Variants in FOXJ3 observed in about 807,000 individuals in gnomAD.
The protein encoded by FOXJ3 is forkhead box protein J3.
FOXJ3 carries 22 observed loss-of-function variants against 76.1 expected under a neutral mutation model. That is an observed-to-expected ratio of 0.29 (90% CI 0.21 to 0.41). The LOEUF (loss-of-function observed/expected upper bound fraction) is 0.41. Ranked by LOEUF, FOXJ3 falls within the 10% of genes least tolerant of loss-of-function variation. The pLI is 1.00. For synonymous variants in FOXJ3, 269 were observed against 261.2 expected (o/e 1.03, Z -0.29); for missense variants, 613 against 762.1 (o/e 0.80, Z 2.30).
At chr1:42,314,665 G>C (rs577768985) in intron 1 of FOXJ3, among the ~76,000 whole-genome samples, 3 of 152,312 alleles carry the variant, frequency 2.0e-5, no homozygotes, top group Admixed American at 6.5e-5. Flanking sequence ...TGACAGATGG[G>C]CATGAGGGGC....
chr1:42,300,448 T>G (rs1201357909), intron 2 of FOXJ3, among the ~76,000 whole-genome samples: 2 of 152,150 alleles, frequency 1.3e-5, no homozygotes, highest in Admixed American at 6.5e-5. Context: ...TTCTCCTTCA[T>G]GTACAAAGCT....
chr1:42,321,037 A>G (rs1655401151), intron 1 of FOXJ3, among the ~76,000 whole-genome samples: 1 of 152,210 alleles, frequency 6.6e-6, no homozygotes, highest in South Asian at 2.1e-4. Flanking sequence ...CTGAAAAGAT[A>G]GGAAGCTATA....
At chr1:42,303,322 G>A (rs1209570322) in intron 2 of FOXJ3, among the ~76,000 whole-genome samples, 3 of 152,100 alleles carry the variant, frequency 2.0e-5, no homozygotes, top group African/African-American at 7.2e-5. Context: ...GAATTGTTGG[G>A]GGAACTTAAT....
intron 1 of FOXJ3, among the ~76,000 whole-genome samples, chr1:42,314,791 C>T (rs1432371730): frequency 3.3e-5 from 5 of 152,184 alleles, no homozygotes; most frequent in African/African-American, 9.7e-5. Flanking sequence ...TACCATAAAA[C>T]CCAGCAATTA....
chr1:42,276,262 G>A (rs190073481), intron 3 of FOXJ3, among the ~76,000 whole-genome samples: 103 of 152,020 alleles, frequency 6.8e-4, no homozygotes, highest in Non-Finnish European at 1.3e-3. Context: ...AGGCTGAGGC[G>A]GGAGAATTGC....
intron 4 of FOXJ3, among the ~76,000 whole-genome samples, chr1:42,240,649 G>C (rs1366473226): frequency 6.6e-6 from 1 of 152,106 alleles, no homozygotes; most frequent in Admixed American, 6.5e-5. Context: ...CCAGGAAAAT[G>C]GTCCACATGC....
intron 1 of FOXJ3, among the ~76,000 whole-genome samples, chr1:42,316,349 T>TTTTTTTTTTC (rs1553169820): frequency 2.2e-5 from 3 of 135,090 alleles, no homozygotes; most frequent in Non-Finnish European, 4.9e-5. Flanking sequence ...TTTTTTTTTT[T>TTTTTTTTTTC]CTGTAGAAAC....
At chr1:42,185,917 C>T (rs1461293288) in intron 11 of FOXJ3, among the ~76,000 whole-genome samples, 1 of 152,048 alleles carries the variant, frequency 6.6e-6, no homozygotes, top group African/African-American at 2.4e-5. Context: ...ACAGGAATGA[C>T]AGGAAAGGTT....
At chr1:42,207,240 T>G (rs547107401) in intron 5 of FOXJ3, among the ~76,000 whole-genome samples, 2 of 152,346 alleles carry the variant, frequency 1.3e-5, no homozygotes, top group South Asian at 2.1e-4. Flanking sequence ...TCTATCTTCA[T>G]GTAATCCACT....
At chr1:42,333,571 C>T (rs1360703856) in intron 1 of FOXJ3, among the ~76,000 whole-genome samples, 3 of 152,032 alleles carry the variant, frequency 2.0e-5, no homozygotes, top group Non-Finnish European at 2.9e-5. Flanking sequence ...TAATATATAC[C>T]ACTCAGAAAA....
At chr1:42,275,887 T>G (rs567702768) in intron 3 of FOXJ3, among the ~76,000 whole-genome samples, 2 of 152,006 alleles carry the variant, frequency 1.3e-5, no homozygotes, top group South Asian at 2.1e-4. Flanking sequence ...GTGGCCAAAG[T>G]TGCACAATTT....
At chr1:42,307,052 G>A (rs925599397) in intron 2 of FOXJ3, among the ~76,000 whole-genome samples, 2 of 152,140 alleles carry the variant, frequency 1.3e-5, no homozygotes, top group African/African-American at 4.8e-5. Flanking sequence ...CCCAAGAAGA[G>A]GCACTAAAGA....
intron 1 of FOXJ3, among the ~76,000 whole-genome samples, chr1:42,313,861 T>C (rs906566591): frequency 6.6e-5 from 10 of 152,204 alleles, no homozygotes; most frequent in South Asian, 4.1e-4. Flanking sequence ...GTGATTTACC[T>C]AGTCTTGTAT....
At chr1:42,332,532 C>G (rs568912882) in intron 1 of FOXJ3, among the ~76,000 whole-genome samples, 30 of 152,274 alleles carry the variant, frequency 2.0e-4, no homozygotes, top group Non-Finnish European at 3.4e-4. Flanking sequence ...CTAAAATTCT[C>G]CATAAGCACT....
chr1:42,302,620 C>T (rs971814934), intron 2 of FOXJ3, among the ~76,000 whole-genome samples: 6 of 152,224 alleles, frequency 3.9e-5, no homozygotes, highest in Non-Finnish European at 8.8e-5. Flanking sequence ...TAGAGTACAG[C>T]CTAAACCCTA....
At chr1:42,332,332 T>C (rs1656211315) in intron 1 of FOXJ3, among the ~76,000 whole-genome samples, 1 of 152,230 alleles carries the variant, frequency 6.6e-6, no homozygotes, top group African/African-American at 2.4e-5. Flanking sequence ...TCATTGTATA[T>C]GGGAATAATT....
intron 2 of FOXJ3, among the ~76,000 whole-genome samples, chr1:42,304,061 C>A (rs2124739985): frequency 6.6e-6 from 1 of 152,082 alleles, no homozygotes; most frequent in Middle Eastern, 3.4e-3. Flanking sequence ...GAACGGACAG[C>A]TGCAGGAGAC....
chr1:42,243,685 T>C (rs1427124391), intron 4 of FOXJ3, among the ~76,000 whole-genome samples: 1 of 152,284 alleles, frequency 6.6e-6, no homozygotes, highest in Non-Finnish European at 1.5e-5. Flanking sequence ...AGTCATCATA[T>C]AATAATAAAG....
At chr1:42,328,633 A>C (rs1336237283) in intron 1 of FOXJ3, among the ~76,000 whole-genome samples, 2 of 151,732 alleles carry the variant, frequency 1.3e-5, no homozygotes, top group African/African-American at 2.4e-5. Flanking sequence ...CTCTTATTTA[A>C]TATGGTCCTA....
Sources: gnomAD v4.1 joint callset for allele counts (sites outside exome capture counted in the v4.1 genomes callset) on GRCh38, gnomAD v4.1.1 for gene constraint, MANE v1.5 for transcripts, NCBI Gene and HGNC (gene_info 2026-07-23, HGNC 2026-07-21) for gene names.